Variants in GNB1 observed in about 807,000 individuals in gnomAD.
GNB1 encodes G protein subunit beta 1.
In GNB1, 2 loss-of-function variants were observed where a neutral mutation model predicts 42.9. That is an observed-to-expected ratio of 0.05 (90% CI 0.02 to 0.15). The LOEUF is 0.15. Ranked by LOEUF, GNB1 falls within the 10% of genes least tolerant of loss-of-function variation. The probability of loss-of-function intolerance (pLI) is 1.00; values close to 1 mark genes in which losing one functional copy is unlikely to be tolerated. For synonymous variants in GNB1, 183 were observed against 174.7 expected (o/e 1.05, Z -0.38); for missense variants, 193 against 462.2 (o/e 0.42, Z 5.34).
intron 9 of GNB1, among the ~76,000 whole-genome samples, chr1:1,789,597 CAGG>C (rs1646453786): frequency 6.6e-6 from 1 of 151,138 alleles, no homozygotes; most frequent in South Asian, 2.1e-4. Flanking sequence ...GAGGCTGAAG[CAGG>C]AGAACTGCTT....
intron 5 of GNB1, among the ~76,000 whole-genome samples, chr1:1,808,151 C>T (rs983547110): frequency 5.9e-5 from 9 of 152,012 alleles, no homozygotes; most frequent in Non-Finnish European, 1.2e-4. Context: ...ATTACAGACA[C>T]GCGCCACCAC....
intron 1 of GNB1, among the ~76,000 whole-genome samples, chr1:1,842,291 A>G (rs545371429): frequency 4.9e-4 from 74 of 152,246 alleles, no homozygotes; most frequent in Middle Eastern, 3.4e-3. Context: ...TTAGCCGGGC[A>G]TGGTGGCGGG....
chr1:1,886,711 T>A (rs555139132), intron 1 of GNB1, among the ~76,000 whole-genome samples: 1 of 152,368 alleles, frequency 6.6e-6, no homozygotes, highest in Non-Finnish European at 1.5e-5. Context: ...AAATTTTTTT[T>A]ATTTTTATTT....
At chr1:1,813,439 T>C (rs1475384697) in intron 5 of GNB1, among the ~76,000 whole-genome samples, 2 of 152,160 alleles carry the variant, frequency 1.3e-5, no homozygotes, top group African/African-American at 2.4e-5. Flanking sequence ...TTCTTTTTAA[T>C]TTTTTAAAGG....
chr1:1,804,065 G>A (rs1475036006), intron 7 of GNB1, among the ~76,000 whole-genome samples: 9 of 151,030 alleles, frequency 6.0e-5, no homozygotes, highest in South Asian at 2.1e-4. Flanking sequence ...AGGCTGAGGT[G>A]GGTGGATCAC....
intron 4 of GNB1, among the ~76,000 whole-genome samples, chr1:1,817,169 G>C (rs115277170): frequency 0.019 from 2,950 of 152,216 alleles, 52 homozygotes; most frequent in Non-Finnish European, 0.029. Context: ...TACTATTCTA[G>C]ATATTTCATA....
At position 1,836,578 on chromosome 1, in the gene GNB1, T is replaced by C. The variant is rs1478651561; in HGVS notation, c.-47+2612A>G. On this transcript the variant is annotated intron_variant, in intron 2 of 11. Transcript: ENST00000378609. The stretch of plus-strand genomic sequence containing the variant: ...GGCTAAATTTTTTTTTTGGAGACAG[T>C]CTCGCTTTATCACCCAGGCTGGAGT... Among the ~76,000 whole-genome samples the C allele has an allele frequency of 2.0e-5, 3 of 151,844 alleles. No individual in the cohort carries two copies. The East Asian group carries it at 5.8e-4, about 29-fold the overall frequency.
chr1:1,864,631 G>T (rs1442177465), intron 1 of GNB1, among the ~76,000 whole-genome samples: 5 of 151,996 alleles, frequency 3.3e-5, no homozygotes, highest in Non-Finnish European at 7.4e-5. Context: ...TACATTTTTG[G>T]GTCTTTAAAT....
intron 1 of GNB1, among the ~76,000 whole-genome samples, chr1:1,885,175 G>C (rs1338374533): frequency 1.3e-5 from 2 of 151,760 alleles, no homozygotes; most frequent in African/African-American, 4.8e-5. Flanking sequence ...CACTTTGGGA[G>C]GCGGAGGCGG....
chr1:1,795,875 C>A (rs1463309120), intron 7 of GNB1, among the ~76,000 whole-genome samples: 2 of 152,134 alleles, frequency 1.3e-5, no homozygotes, highest in East Asian at 1.9e-4. Flanking sequence ...GAGACTGAAC[C>A]CTAAAATCAC....
At position 1,787,314 on chromosome 1, in the gene GNB1, T is replaced by C. The variant is rs773953268; in HGVS notation, c.*9+8A>G. The C allele has an allele frequency of 2.8e-6, 4 of 1,419,982 alleles. No individual in the cohort carries two copies. Among genetic ancestry groups the C allele is most frequent in the Non-Finnish European group, 4.0e-6 (4 of 1,004,148 alleles). The allele number at this position is 1,419,982 out of a possible 1,614,324, so 88.0% of individuals were successfully genotyped here. ...CCTCAGAGAAGGGCATTTGGGCTGC[T>C]GCATTACCTACTGGCGTTAGTTCCA... On this transcript the variant is annotated splice_region_variant and intron_variant, in intron 11 of 11. Coordinates refer to ENST00000378609, the MANE Select transcript of GNB1 (RefSeq NM_002074.5). This position sits in a 1 kb window ranked among gnomAD's most constrained non-coding sequence, Gnocchi z 4.4.
chr1:1,835,933 A>G (rs1647142472), intron 2 of GNB1, among the ~76,000 whole-genome samples: 1 of 149,338 alleles, frequency 6.7e-6, no homozygotes, highest in African/African-American at 2.5e-5. Context: ...AAAAAAAAAA[A>G]AAAAAAAAAA....
intron 5 of GNB1, among the ~76,000 whole-genome samples, chr1:1,807,463 G>GGAAAAAA (rs1369704288): frequency 3.9e-5 from 1 of 25,580 alleles, no homozygotes; most frequent in African/African-American, 2.3e-4. Flanking sequence ...GATCCTGACT[G>GGAAAAAA]AAAAAAAAAA....
At chr1:1,855,230 A>T (rs1648209170) in intron 1 of GNB1, among the ~76,000 whole-genome samples, 1 of 149,662 alleles carries the variant, frequency 6.7e-6, no homozygotes, top group Non-Finnish European at 1.5e-5. Context: ...CTGAGGCAAG[A>T]GAATCACTTG....
intron 5 of GNB1, among the ~76,000 whole-genome samples, chr1:1,812,949 T>A (rs1344861132): frequency 2.0e-5 from 3 of 151,668 alleles, no homozygotes; most frequent in Non-Finnish European, 4.4e-5. Context: ...GCCCAGCTGG[T>A]GAAGGAGACA....
At chr1:1,863,800 C>T (rs1006275574) in intron 1 of GNB1, among the ~76,000 whole-genome samples, 5 of 152,248 alleles carry the variant, frequency 3.3e-5, no homozygotes, top group Middle Eastern at 3.4e-3. Context: ...CACTGAATCC[C>T]CACTCTCAGT....
intron 8 of GNB1, 59 bp downstream of exon 8, chr1:1,793,186 G>A (rs1019223631): frequency 1.0e-6 from 1 of 1,003,902 alleles, no homozygotes; most frequent in Non-Finnish European, 1.6e-6. Context: ...TGTTCACAGA[G>A]GAATGTGCCA....
At position 1,821,743 on chromosome 1, in the gene GNB1, C is replaced by T. The variant is rs1570669782; in HGVS notation, c.57+3654G>A. 2.0e-5 allele frequency among the ~76,000 whole-genome samples: 3 copies of T among 152,280 alleles called. No homozygotes were observed. The South Asian group carries it at 6.2e-4, about 32-fold the overall frequency. ...GCCTGTGGCTGCTGCGCACAGCAAA[C>T]GGAACCAGGAGACTTGGGACAAAAA... On this transcript the variant is annotated intron_variant, in intron 3 of 11. Transcript: ENST00000378609.
chr1:1,872,335 T>C (rs74828657), intron 1 of GNB1, among the ~76,000 whole-genome samples: 88 of 152,336 alleles, frequency 5.8e-4, no homozygotes, highest in Middle Eastern at 3.4e-3. Flanking sequence ...TTTCAACGGC[T>C]TCCCACTGCA....
Sources: gnomAD v4.1 joint callset for allele counts (sites outside exome capture counted in the v4.1 genomes callset) on GRCh38, gnomAD v4.1.1 for gene constraint, Gnocchi (gnomAD v3.1) non-coding constraint, MANE v1.5 for transcripts, NCBI Gene and HGNC (gene_info 2026-07-23, HGNC 2026-07-21) for gene names.